The following PRKG1 variants were observed in gnomAD, a reference collection of about 807,000 sequenced individuals.
PRKG1 encodes the protein protein kinase cGMP-dependent 1.
A neutral mutation model predicts 88.1 loss-of-function variants in PRKG1; 35 were observed. The observed-to-expected ratio is 0.40, with a 90% CI of 0.30 to 0.53. The LOEUF (loss-of-function observed/expected upper bound fraction) is 0.53. Among genes scored for constraint, PRKG1 ranks in the 20% least tolerant of loss-of-function variants. The pLI, the probability that PRKG1 is intolerant of heterozygous loss-of-function variation, is 0.59. For synonymous variants in PRKG1, 303 were observed against 292.5 expected (o/e 1.04, Z -0.37); for missense variants, 540 against 839.8 (o/e 0.64, Z 4.41).
intron 8 of PRKG1, among the ~76,000 whole-genome samples, chr10:52,157,200 C>CTCA (rs1395525935): frequency 6.8e-6 from 1 of 146,850 alleles, no homozygotes; most frequent in African/African-American, 2.5e-5. Context: ...AATCAACTAA[C>CTCA]TCATACACTG....
chr10:52,242,130 A>T (rs1589727750), intron 9 of PRKG1: 1 of 152,352 alleles, frequency 6.6e-6, no homozygotes, highest in South Asian at 2.1e-4. Context: ...TTGCTGCAGC[A>T]GTGAAAGCAG....
At chr10:51,673,048 TACTGTAAAAA>T (rs1334361873) in intron 3 of PRKG1, among the ~76,000 whole-genome samples, 2 of 152,148 alleles carry the variant, frequency 1.3e-5, no homozygotes, top group African/African-American at 2.4e-5. Flanking sequence ...CTGGTTCTTG[TACTGTAAAAA>T]ACCTCCAGAG....
chr10:51,200,340 A>G (rs1837882469), intron 2 of PRKG1, among the ~76,000 whole-genome samples: 1 of 152,250 alleles, frequency 6.6e-6, no homozygotes, highest in Non-Finnish European at 1.5e-5. Flanking sequence ...CACAAACATG[A>G]TGTTCAATAA....
rs1589723119 is a variant in PRKG1 at position 52,236,497 on chromosome 10, C to T, written c.1077-15073C>T. Among the ~76,000 whole-genome samples, 10 of 50,534 alleles carry T rather than the reference C, an allele frequency of 2.0e-4. No homozygotes were observed. The Admixed American group carries it at 2.1e-3, about 11-fold the overall frequency. 33.2% of individuals were successfully genotyped at this position (50,534 alleles called of 152,430 possible). On this transcript the variant is annotated intron_variant, in intron 9 of 17. Transcript: ENST00000373980. ...TGATAAAGGGGATATCACCACCGAT[C>T]CCACAGAAATACAAACTACCATCAG... is the stretch of plus-strand genomic sequence containing the variant.
chr10:52,070,509 T>C (rs1206790609), intron 7 of PRKG1, among the ~76,000 whole-genome samples: 7 of 152,228 alleles, frequency 4.6e-5, no homozygotes, highest in African/African-American at 1.7e-4. Context: ...GCATCTCCTT[T>C]TGAGAATGCA....
At chr10:51,569,975 T>C (rs1349190306) in intron 3 of PRKG1, among the ~76,000 whole-genome samples, 1 of 151,052 alleles carries the variant, frequency 6.6e-6, no homozygotes, top group East Asian at 1.9e-4. Flanking sequence ...GATGTTCCTT[T>C]GAATAGATTA....
chr10:51,276,969 G>C (rs1007093327), intron 2 of PRKG1, among the ~76,000 whole-genome samples: 3 of 152,150 alleles, frequency 2.0e-5, no homozygotes, highest in African/African-American at 7.2e-5. Context: ...AGTTTAATTA[G>C]ATCCCATTTG....
chr10:51,694,351 C>T (rs757754646), intron 3 of PRKG1, among the ~76,000 whole-genome samples: 14 of 152,324 alleles, frequency 9.2e-5, no homozygotes, highest in Middle Eastern at 3.4e-3. Context: ...GCCGTGATTA[C>T]GTTAACGGTT....
intron 3 of PRKG1, among the ~76,000 whole-genome samples, chr10:51,474,670 G>A (rs1026637695): frequency 2.0e-5 from 3 of 151,870 alleles, no homozygotes; most frequent in African/African-American, 4.8e-5. Flanking sequence ...CTTCAAAGGA[G>A]GAATTAGGAA....
chr10:51,591,097 C>G (rs899922207), intron 3 of PRKG1, among the ~76,000 whole-genome samples: 11 of 152,018 alleles, frequency 7.2e-5, no homozygotes, highest in African/African-American at 2.7e-4. Flanking sequence ...AAACAAATTG[C>G]CTGAACTCGG....
At chr10:51,045,684 G>A (rs1843480653) in intron 1 of PRKG1, among the ~76,000 whole-genome samples, 1 of 152,010 alleles carries the variant, frequency 6.6e-6, no homozygotes, top group Non-Finnish European at 1.5e-5. Flanking sequence ...CCACAACTGT[G>A]CTCGTAATCA....
At chr10:52,128,212 G>A (rs953892759) in intron 7 of PRKG1, 5 of 985,270 alleles carry the variant, frequency 5.1e-6, no homozygotes, top group South Asian at 9.4e-5. Flanking sequence ...GAGTAGTGTC[G>A]AGTTTCCATG....
chr10:51,051,433 T>G (rs911570820), intron 1 of PRKG1, among the ~76,000 whole-genome samples: 2 of 152,144 alleles, frequency 1.3e-5, no homozygotes, highest in Non-Finnish European at 2.9e-5. Context: ...CCCCATTTAT[T>G]ATTCTTGGCA....
chr10:51,148,348 GT>G, intron 1 of PRKG1: 1 of 832,194 alleles, frequency 1.2e-6, no homozygotes. Flanking sequence ...AGTGAGTGAT[GT>G]TTTTGGTTAA....
At chr10:51,097,840 A>G (rs936472770) in intron 1 of PRKG1, among the ~76,000 whole-genome samples, 3 of 152,046 alleles carry the variant, frequency 2.0e-5, no homozygotes, top group African/African-American at 4.8e-5. Context: ...AGAGATTTTT[A>G]TCTCTCAACT....
chr10:51,936,602 A>G (rs1362780862), intron 5 of PRKG1, among the ~76,000 whole-genome samples: 8 of 152,024 alleles, frequency 5.3e-5, no homozygotes, highest in African/African-American at 1.9e-4. Context: ...CTTGCATCTT[A>G]TATCTTTGAT....
intron 2 of PRKG1, among the ~76,000 whole-genome samples, chr10:51,215,510 A>G (rs962103541): frequency 2.6e-5 from 4 of 152,190 alleles, no homozygotes; most frequent in Admixed American, 2.6e-4. Flanking sequence ...AGACAGCTGA[A>G]TAGAAACTGA....
chr10:51,133,668 T>C lies in PRKG1; in HGVS notation c.312-19496T>C, dbSNP rs1357275260. The stretch of plus-strand genomic sequence containing the variant: ...TCTAAAACTGCAGCACAGCTAATAA[T>C]GAAAAAAGAGATGGCCTAGTTCTTT... On this transcript the variant is annotated intron_variant, in intron 1 of 17. Transcript: ENST00000373980. 2.0e-5 allele frequency among the ~76,000 whole-genome samples: 3 copies of C among 152,118 alleles called. No homozygotes were observed. The East Asian group carries it at 5.8e-4, about 29-fold the overall frequency.
intron 4 of PRKG1, among the ~76,000 whole-genome samples, chr10:51,871,562 T>C (rs2132857851): frequency 6.6e-6 from 1 of 152,352 alleles, no homozygotes; most frequent in African/African-American, 2.4e-5. Flanking sequence ...CTGTCAGTGC[T>C]GTGACACATT....
Sources: gnomAD v4.1 joint callset for allele counts (sites outside exome capture counted in the v4.1 genomes callset) on GRCh38, gnomAD v4.1.1 for gene constraint, MANE v1.5 for transcripts, NCBI Gene and HGNC (gene_info 2026-07-23, HGNC 2026-07-21) for gene names.